RUSC2: variants seen among roughly 807,000 people sequenced by gnomAD.
RUSC2 encodes the protein AP-4 complex accessory subunit RUSC2.
In RUSC2, 34 loss-of-function variants were observed where a neutral mutation model predicts 122.2. That is an observed-to-expected ratio of 0.28 (90% CI 0.21 to 0.37). RUSC2 has a LOEUF of 0.37. Ranked by LOEUF, RUSC2 falls within the 10% of genes least tolerant of loss-of-function variation. The probability of loss-of-function intolerance (pLI) is 1.00; values close to 1 mark genes in which losing one functional copy is unlikely to be tolerated. For missense variants in RUSC2, 1,747 were observed against 1,952.4 expected (o/e 0.89, Z 1.98); for synonymous variants, 784 against 790.0 (o/e 0.99, Z 0.13).
At position 35,546,925 on chromosome 9, in the gene RUSC2, G is replaced by C; in HGVS notation, c.404G>C (p.Gly135Ala). 6.3e-7 allele frequency: 1 copy of C among 1,574,876 alleles called. No homozygotes were observed. Among genetic ancestry groups the C allele is most frequent in the Non-Finnish European group, 8.6e-7 (1 of 1,159,584 alleles). ...ACCCAGCAGTCCTTCCACCTGCATG[G>C]CACTGGCCAGCCCAACTTTCATCTA... ...SATQQSFHLH[G>A]TGQPNFHLSS... Residue 135 changes from glycine to alanine, a missense_variant, in exon 2 of 12, where the codon GGC (glycine) becomes GCC (alanine). Gly to Ala is a moderately conservative substitution (Grantham distance 60). Coordinates refer to ENST00000361226, the MANE Select transcript of RUSC2 (RefSeq NM_014806.5). This position sits in a 1 kb window ranked among gnomAD's most constrained non-coding sequence, Gnocchi z 4.3.
intron 1 of RUSC2, among the ~76,000 whole-genome samples, chr9:35,541,291 A>C (rs967887802): frequency 1.3e-5 from 2 of 151,888 alleles, no homozygotes; most frequent in African/African-American, 4.8e-5. Flanking sequence ...CAGGGCAGAA[A>C]AAGTCTGAAA....
At position 35,556,129 on chromosome 9, in the gene RUSC2, G is replaced by A. The variant is rs149855683; in HGVS notation, c.2834G>A (p.Arg945Gln). 8.1e-5 allele frequency: 130 copies of A among 1,614,098 alleles called. No individual in the cohort carries two copies. The highest frequency in any genetic ancestry group is 1.1e-5 in the South Asian group (1 of 91,076). The stretch of plus-strand genomic sequence containing the variant: ...AGTGCTGCCAGCCATCTGAACTGCC[G>A]GCTGAATGGTGTGTGAGCAGGGTCC... Reference protein sequence around the residue: ...SLSAASHLNCRLNGQAVKPLP... With the variant: ...SLSAASHLNCQLNGQAVKPLP... Residue 945 changes from arginine (R) to glutamine (Q), a missense_variant, in exon 4 of 12, where the codon CGG becomes CAG. Coordinates refer to ENST00000361226, the MANE Select transcript of RUSC2 (RefSeq NM_014806.5).
intron 1 of RUSC2, 57 bp downstream of exon 1, chr9:35,490,229 C>T (rs1410669736): frequency 2.6e-5 from 4 of 152,608 alleles, no homozygotes; most frequent in Non-Finnish European, 5.9e-5. Flanking sequence ...CCCCGCGTTC[C>T]AAGGTCTCCC....
intron 1 of RUSC2, among the ~76,000 whole-genome samples, chr9:35,517,698 A>T (rs1242475317): frequency 6.6e-6 from 1 of 152,166 alleles, no homozygotes; most frequent in Non-Finnish European, 1.5e-5. Flanking sequence ...AAAGAAGGGC[A>T]CTGCATCTCT....
At chr9:35,526,236 C>G (rs182610642) in intron 1 of RUSC2, among the ~76,000 whole-genome samples, 2 of 152,282 alleles carry the variant, frequency 1.3e-5, no homozygotes, top group East Asian at 3.9e-4. Flanking sequence ...CTCTCTATTG[C>G]TTATGAAAGC....
chr9:35,547,059 T>C lies in RUSC2; in HGVS notation c.538T>C (p.Leu180=). ...EGQEQEPVMT[L]DTQQCGTSHC... ...GCAGGAACAGGAGCCAGTGATGACC[T>C]TGGATACTCAGCAGTGCGGCACCAG... Residue 180 remains leucine (L), a synonymous_variant, in exon 2 of 12, where the codon TTG becomes CTG. Transcript: ENST00000361226. This position sits in a 1 kb window ranked among gnomAD's most constrained non-coding sequence, Gnocchi z 4.6. 1 of 1,612,972 alleles carries C rather than the reference T, an allele frequency of 6.2e-7. No homozygotes were observed. The highest frequency in any genetic ancestry group is 8.5e-7 in the Non-Finnish European group (1 of 1,179,388).
In RUSC2 at chr9:35,548,157, G is replaced by A. The variant is rs776211425; in HGVS notation, c.1636G>A (p.Glu546Lys). 21 of 1,613,164 alleles carry A rather than the reference G, an allele frequency of 1.3e-5. No homozygotes were observed. The highest frequency in any genetic ancestry group is 1.6e-4 in the Middle Eastern group (1 of 6,084). Residue 546 changes from glutamate (E) to lysine (K), a missense_variant, in exon 2 of 12, where the codon GAG becomes AAG. By Grantham distance (56) the Glu-to-Lys change is moderately conservative. Coordinates refer to ENST00000361226, the MANE Select transcript of RUSC2 (RefSeq NM_014806.5). This position sits in a 1 kb window ranked among gnomAD's most constrained non-coding sequence, Gnocchi z 4.5. The stretch of plus-strand genomic sequence containing the variant: ...ACCCAGGAGGGTCACCTCCTTTGCC[G>A]AGCTGGCCAAGGGCCGGAAGAAAAC... ...SPPRRVTSFA[E>K]LAKGRKKTGG... is the part of the protein sequence containing the mutation.
rs1346039483 is a variant in RUSC2, at chr9:35,558,662, CAGAA to C, written c.3341+98_3341+101del. 1.9e-6 allele frequency: 2 copies of C among 1,052,968 alleles called. No individual in the cohort carries two copies. The highest frequency in any genetic ancestry group is 2.9e-6 in the Non-Finnish European group (2 of 680,726). 65.2% of individuals were successfully genotyped at this position (1,052,968 alleles called of 1,614,324 possible). Reference sequence around the variant, plus strand: ...CCAAGGAAACAACGCCCTGGACAGACAGAAAGGGTGGATCTGGAGGGTCCCCTCA... The same window carrying C: ...CCAAGGAAACAACGCCCTGGACAGACAGGGTGGATCTGGAGGGTCCCCTCA... On this transcript the variant is annotated intron_variant, in intron 8 of 11. Coordinates refer to ENST00000361226, the MANE Select transcript of RUSC2 (RefSeq NM_014806.5). The surrounding 1 kb of genome is among the most constrained non-coding windows in gnomAD (Gnocchi z 4.3).
At chr9:35,494,157 T>C (rs555290825) in intron 1 of RUSC2, among the ~76,000 whole-genome samples, 8 of 152,188 alleles carry the variant, frequency 5.3e-5, no homozygotes, top group Middle Eastern at 3.4e-3. Context: ...TGTTTTCTTT[T>C]TTTTTTTTTA....
intron 1 of RUSC2, among the ~76,000 whole-genome samples, chr9:35,533,055 G>A (rs1002524958): frequency 6.6e-6 from 1 of 152,120 alleles, no homozygotes; most frequent in East Asian, 1.9e-4. Flanking sequence ...AGACCAGCCT[G>A]GGCAACATGG....
At chr9:35,540,162 G>A (rs577667412) in intron 1 of RUSC2, among the ~76,000 whole-genome samples, 6 of 152,228 alleles carry the variant, frequency 3.9e-5, no homozygotes, top group African/African-American at 1.4e-4. Context: ...TTGAGCCTAG[G>A]AGTTGAGACC....
Position 35,549,986 on chromosome 9 carries a change from C to T in RUSC2, c.2014+1451C>T, listed in dbSNP as rs183368154. ...CAGCACTTTGGGAGGCCAAGGCGGG[C>T]GGATCACCTCAGGTCAGGTTTTCAA... is the stretch of plus-strand genomic sequence containing the variant. On this transcript the variant is annotated intron_variant, in intron 2 of 11. Transcript: ENST00000361226. Among the ~76,000 whole-genome samples, 243 of 152,096 alleles carry T rather than the reference C, an allele frequency of 1.6e-3. 1 individual carries two copies. The highest frequency in any genetic ancestry group is 3.0e-3 in the Non-Finnish European group (204 of 67,984).
At chr9:35,491,085 G>T (rs1401712312) in intron 1 of RUSC2, among the ~76,000 whole-genome samples, 1 of 145,630 alleles carries the variant, frequency 6.9e-6, no homozygotes, top group Non-Finnish European at 1.5e-5. Flanking sequence ...CCGTGATAAA[G>T]AACACAGGCC....
At chr9:35,544,591 C>A (rs1821710150) in intron 1 of RUSC2, among the ~76,000 whole-genome samples, 2 of 152,268 alleles carry the variant, frequency 1.3e-5, no homozygotes, top group South Asian at 4.1e-4. Flanking sequence ...CGGGCGTGAG[C>A]CACTGTGCCC....
rs1347830549 is a variant in RUSC2, at chr9:35,560,086, G to A, written c.3446G>A (p.Cys1149Tyr). ...TTCCTGAGTGCAGCTCATACCGTGT[G>A]TCCCGGCCTCTTTGAAGAGCTGCTG... is the stretch of plus-strand genomic sequence containing the variant. ...WGFLSAAHTV[C>Y]PGLFEELLLL... The change falls in exon 10 of 12, where the codon TGT becomes TAT. Residue 1149 changes from cysteine (C) to tyrosine (Y), a missense_variant. Physicochemically the swap from Cys to Tyr is radical, Grantham distance 194 (BLOSUM62 -2). Transcript: ENST00000361226. The A allele has an allele frequency of 6.2e-7, 1 of 1,613,864 alleles. No homozygotes were observed. Among genetic ancestry groups the A allele is most frequent in the South Asian group, 1.1e-5 (1 of 91,074 alleles).
Position 35,560,835 on chromosome 9 carries a change from G to T in RUSC2, c.4195G>T (p.Ala1399Ser). ...TGGCTCCCGAAAAGCCCAGCGGGAG[G>T]CCCGGCCCACAAATAGGTGAGAGCC... ...LFGSRKAQREARPTNRLPSDW... is the reference protein window; with the variant it reads ...LFGSRKAQRESRPTNRLPSDW... Residue 1399 changes from alanine to serine, a missense_variant, in exon 10 of 12, where the codon GCC becomes TCC. Transcript: ENST00000361226. 1 of 1,533,486 alleles carries T rather than the reference G, an allele frequency of 6.5e-7. No individual in the cohort carries two copies. The highest frequency in any genetic ancestry group is 8.8e-7 in the Non-Finnish European group (1 of 1,142,540). 95.0% of individuals were successfully genotyped at this position (1,533,486 alleles called of 1,614,324 possible).
chr9:35,532,732 G>A (rs550556099), intron 1 of RUSC2, among the ~76,000 whole-genome samples: 5 of 151,594 alleles, frequency 3.3e-5, no homozygotes, highest in African/African-American at 4.8e-5. Context: ...GTGACAGAGC[G>A]AAACTGTCTT....
At chr9:35,535,560 G>A (rs1274625239) in intron 1 of RUSC2, among the ~76,000 whole-genome samples, 19 of 130,230 alleles carry the variant, frequency 1.5e-4, no homozygotes, top group African/African-American at 5.3e-4. Context: ...TTTTTGAGAC[G>A]GAGTCTCTTG....
intron 2 of RUSC2, among the ~76,000 whole-genome samples, chr9:35,552,642 T>C (rs1821923385): frequency 6.6e-6 from 1 of 152,188 alleles, no homozygotes; most frequent in Non-Finnish European, 1.5e-5. Context: ...GGATAGTCTC[T>C]CACTCCTCCG....
Sources: allele counts gnomAD v4.1 joint callset (sites outside exome capture counted in the v4.1 genomes callset), GRCh38; gene constraint gnomAD v4.1.1; non-coding constraint Gnocchi (gnomAD v3.1); transcripts MANE v1.5; gene names NCBI Gene and HGNC (gene_info 2026-07-23, HGNC 2026-07-21).